NAV3: variants seen among roughly 807,000 people sequenced by gnomAD.
NAV3 encodes pore membrane and/or filament interacting like protein 1.
In NAV3, 87 loss-of-function variants were observed where a neutral mutation model predicts 244.7. The observed-to-expected ratio is 0.36, with a 90% CI of 0.30 to 0.42. The LOEUF is 0.42. NAV3 is among the 20% of genes least tolerant of loss of function. The pLI is 1.00. For missense variants in NAV3, 2,663 were observed against 2,893.3 expected (o/e 0.92, Z 1.83); for synonymous variants, 1,126 against 1,042.2 (o/e 1.08, Z -1.55).
intron 12 of NAV3, among the ~76,000 whole-genome samples, chr12:78,104,961 T>A (rs1287881019): frequency 6.6e-6 from 1 of 152,144 alleles, no homozygotes; most frequent in Non-Finnish European, 1.5e-5. Flanking sequence ...GGGATAAATA[T>A]CTTTCTAAAT....
chr12:77,648,390 T>C (rs1002844323), intron 2 of NAV3, among the ~76,000 whole-genome samples: 2 of 152,140 alleles, frequency 1.3e-5, no homozygotes, highest in Non-Finnish European at 2.9e-5. Flanking sequence ...TATGGTGTTT[T>C]ATGTCAAAAA....
intron 2 of NAV3, among the ~76,000 whole-genome samples, chr12:77,729,357 C>G (rs965601294): frequency 1.3e-5 from 2 of 151,920 alleles, no homozygotes; most frequent in Non-Finnish European, 2.9e-5. Context: ...GGCATAGAAG[C>G]CTGATTTCAT....
chr12:77,650,004 G>C (rs1281023277), intron 2 of NAV3, among the ~76,000 whole-genome samples: 2 of 152,004 alleles, frequency 1.3e-5, no homozygotes, highest in Non-Finnish European at 2.9e-5. Context: ...GTATGGCCCC[G>C]GTGTCCTTTC....
chr12:77,662,446 T>G (rs893330961), intron 2 of NAV3, among the ~76,000 whole-genome samples: 5 of 152,034 alleles, frequency 3.3e-5, no homozygotes, highest in African/African-American at 1.2e-4. Context: ...TTTTGTATAT[T>G]GATCTTGTAA....
intron 12 of NAV3, among the ~76,000 whole-genome samples, chr12:78,059,961 ATG>A (rs55881265): frequency 6.8e-4 from 102 of 149,594 alleles, no homozygotes; most frequent in Admixed American, 1.4e-3. Flanking sequence ...TTTCTTAAAG[ATG>A]TGTGTGTGTG....
chr12:77,949,727 A>G (rs1464887499), intron 3 of NAV3, among the ~76,000 whole-genome samples: 1 of 152,010 alleles, frequency 6.6e-6, no homozygotes, highest in Non-Finnish European at 1.5e-5. Flanking sequence ...CATGATTCAT[A>G]TTAAAGTTTA....
chr12:77,929,498 A>T (rs1398286996), intron 1 of NAV3, among the ~76,000 whole-genome samples: 1 of 152,096 alleles, frequency 6.6e-6, no homozygotes, highest in African/African-American at 2.4e-5. Flanking sequence ...CTTGAGTCAA[A>T]TCTGTTTCAC....
chr12:77,846,467 C>T (rs768888907), intron 1 of NAV3, among the ~76,000 whole-genome samples: 3 of 152,190 alleles, frequency 2.0e-5, no homozygotes, highest in Non-Finnish European at 4.4e-5. Context: ...TGGTTATCTT[C>T]AGACTGTGCT....
Position 78,205,031 on chromosome 12 carries a change from T to C in NAV3, c.6931T>C (p.Leu2311=). ...AACTCTGCCTCAGGAGAGCCCAGCC[T>C]TACTTCAGCTGCGACCAGAAGATGT... ...SATLPQESPA[L]LQLRPEDVGY... The change falls in exon 39 of 40, where the codon TTA becomes CTA. Residue 2311 remains leucine (L), a synonymous_variant. Transcript: ENST00000397909. 6.2e-7 allele frequency: 1 copy of C among 1,613,628 alleles called. No individual in the cohort carries two copies. The highest frequency in any genetic ancestry group is 1.3e-5 in the African/African-American group (1 of 75,022).
At chr12:77,987,564 T>A (rs1458630582) in intron 5 of NAV3, among the ~76,000 whole-genome samples, 1 of 152,150 alleles carries the variant, frequency 6.6e-6, no homozygotes. Flanking sequence ...AGATATAACA[T>A]GCCATCATTT....
chr12:77,821,426 T>A (rs1520732), intron 2 of NAV3, among the ~76,000 whole-genome samples: 1 of 152,132 alleles, frequency 6.6e-6, no homozygotes, highest in Non-Finnish European at 1.5e-5. Context: ...ACCTAATGCA[T>A]CCTTAGAATA....
At chr12:78,055,554 T>C (rs1158723923) in intron 11 of NAV3, among the ~76,000 whole-genome samples, 2 of 152,186 alleles carry the variant, frequency 1.3e-5, no homozygotes, top group Non-Finnish European at 2.9e-5. Flanking sequence ...ATGTTTCTGA[T>C]CTTCACCTGG....
chr12:78,072,958 C>T (rs1393062295), intron 12 of NAV3, among the ~76,000 whole-genome samples: 2 of 144,082 alleles, frequency 1.4e-5, no homozygotes, highest in Non-Finnish European at 3.1e-5. Context: ...TCACTAGATG[C>T]AGAAAAAGCC....
At chr12:77,641,189 A>T (rs1872394202) in intron 2 of NAV3, among the ~76,000 whole-genome samples, 1 of 152,056 alleles carries the variant, frequency 6.6e-6, no homozygotes, top group Non-Finnish European at 1.5e-5. Context: ...TTTTCTCAAA[A>T]GCATTTATAG....
chr12:78,198,815 G>A lies in NAV3; in HGVS notation c.6518+139G>A, dbSNP rs76761528. 2,417 of 628,832 alleles carry A rather than the reference G, an allele frequency of 3.8e-3. 43 individuals are homozygous for A. In the African/African-American group the frequency reaches 0.041, roughly 11 times the overall value. The allele number at this position is 628,832 out of a possible 1,614,324, so 39.0% of individuals were successfully genotyped here. On this transcript the variant is annotated intron_variant, in intron 36 of 39. Coordinates refer to ENST00000397909, the MANE Select transcript of NAV3 (RefSeq NM_001024383.2). ...TTGTACTTTGACAAATCTTGCCAGA[G>A]ATGACCTGTGGTGTGAAAATAATTC...
At chr12:77,809,930 A>G (rs2135996775) in intron 2 of NAV3, among the ~76,000 whole-genome samples, 1 of 152,356 alleles carries the variant, frequency 6.6e-6, no homozygotes, top group East Asian at 1.9e-4. Context: ...TAGTTGTTCC[A>G]GTACAGAAAA....
intron 12 of NAV3, among the ~76,000 whole-genome samples, chr12:78,100,099 T>C (rs2138191382): frequency 6.6e-6 from 1 of 152,070 alleles, no homozygotes; most frequent in East Asian, 1.9e-4. Flanking sequence ...ATGGTATTAA[T>C]GTTAGTCTCT....
intron 1 of NAV3, among the ~76,000 whole-genome samples, chr12:77,930,439 C>T (rs1593031124): frequency 6.7e-6 from 1 of 149,148 alleles, no homozygotes; most frequent in African/African-American, 2.5e-5. Context: ...CTACATTTAC[C>T]TTTTTTTTTT....
At chr12:77,996,681 T>C (rs1031990390) in intron 6 of NAV3, among the ~76,000 whole-genome samples, 4 of 152,162 alleles carry the variant, frequency 2.6e-5, no homozygotes, top group African/African-American at 9.7e-5. Flanking sequence ...CTAGTAGTAT[T>C]ATAAAGGTGA....
Sources: gnomAD v4.1 joint callset for allele counts (sites outside exome capture counted in the v4.1 genomes callset) on GRCh38, gnomAD v4.1.1 for gene constraint, MANE v1.5 for transcripts, NCBI Gene and HGNC (gene_info 2026-07-23, HGNC 2026-07-21) for gene names.